Variants in PTPRD observed in about 807,000 individuals in gnomAD.
PTPRD encodes receptor-type tyrosine-protein phosphatase delta.
PTPRD carries 34 observed loss-of-function variants against 214.5 expected under a neutral mutation model. The observed-to-expected ratio is 0.16, with a 90% CI of 0.12 to 0.21. PTPRD has a LOEUF of 0.21. PTPRD is among the 10% of genes least tolerant of loss of function. The pLI, the probability that PTPRD is intolerant of heterozygous loss-of-function variation, is 1.00. For missense variants in PTPRD, 2,545 were observed against 2,398.7 expected (o/e 1.06, Z -1.27); for synonymous variants, 1,128 against 845.7 (o/e 1.33, Z -5.79).
intron 4 of PTPRD, among the ~76,000 whole-genome samples, chr9:10,017,316 A>G (rs1417327449): frequency 6.6e-6 from 1 of 151,742 alleles, no homozygotes; most frequent in Non-Finnish European, 1.5e-5. Flanking sequence ...AATGTTCAGG[A>G]GTCCTTTTTG....
intron 35 of PTPRD, among the ~76,000 whole-genome samples, chr9:8,413,994 T>G (rs2093711536): frequency 6.6e-6 from 1 of 152,162 alleles, no homozygotes; most frequent in South Asian, 2.1e-4. Context: ...TATGGGGTTG[T>G]GATTTATCTG....
At chr9:9,945,283 A>T (rs943376507) in intron 4 of PTPRD, among the ~76,000 whole-genome samples, 3 of 152,100 alleles carry the variant, frequency 2.0e-5, no homozygotes, top group Non-Finnish European at 4.4e-5. Context: ...ATATGCCTGG[A>T]AGCATAAATT....
At chr9:8,515,326 A>G (rs1298127230) in intron 21 of PTPRD, among the ~76,000 whole-genome samples, 1 of 152,114 alleles carries the variant, frequency 6.6e-6, no homozygotes, top group Admixed American at 6.5e-5. Context: ...AGTGTCCTCC[A>G]TATGTTAGCT....
At chr9:8,370,573 T>C (rs2081241907) in intron 39 of PTPRD, among the ~76,000 whole-genome samples, 2 of 152,096 alleles carry the variant, frequency 1.3e-5, no homozygotes, top group Admixed American at 1.3e-4. Context: ...TTCCAGTGAT[T>C]AAAGAATGGA....
intron 3 of PTPRD, among the ~76,000 whole-genome samples, chr9:10,153,564 C>G (rs1282821488): frequency 6.6e-6 from 1 of 151,426 alleles, no homozygotes; most frequent in Non-Finnish European, 1.5e-5. Flanking sequence ...ACTTTAAGTT[C>G]AGGATACATG....
At chr9:9,825,620 T>C (rs1385820911) in intron 5 of PTPRD, among the ~76,000 whole-genome samples, 1 of 151,992 alleles carries the variant, frequency 6.6e-6, no homozygotes, top group Non-Finnish European at 1.5e-5. Flanking sequence ...TAACTAGTTG[T>C]CTGAAGCTTA....
intron 3 of PTPRD, among the ~76,000 whole-genome samples, chr9:10,292,372 C>T (rs1043163386): frequency 2.0e-5 from 3 of 152,032 alleles, no homozygotes; most frequent in African/African-American, 4.8e-5. Flanking sequence ...TTCTTCCTGA[C>T]ATCACCCTTA....
intron 5 of PTPRD, among the ~76,000 whole-genome samples, chr9:9,899,875 A>T (rs904010473): frequency 3.3e-5 from 5 of 152,144 alleles, no homozygotes; most frequent in Admixed American, 3.3e-4. Context: ...AAAGAAAAAA[A>T]TCCAGTCACT....
At chr9:9,195,330 T>C (rs1271531543) in intron 9 of PTPRD, among the ~76,000 whole-genome samples, 1 of 152,032 alleles carries the variant, frequency 6.6e-6, no homozygotes, top group African/African-American at 2.4e-5. Flanking sequence ...CAAAATATTC[T>C]GTTTGTGAAA....
chr9:10,459,859 T>C (rs2098945768), intron 2 of PTPRD, among the ~76,000 whole-genome samples: 1 of 151,796 alleles, frequency 6.6e-6, no homozygotes, highest in East Asian at 1.9e-4. Context: ...TTAAATATTT[T>C]AAAGAAATAA....
At chr9:10,048,325 C>T (rs1330544199) in intron 3 of PTPRD, among the ~76,000 whole-genome samples, 3 of 152,050 alleles carry the variant, frequency 2.0e-5, no homozygotes, top group Non-Finnish European at 4.4e-5. Context: ...GACTCACTAG[C>T]CCCCAGTACT....
At chr9:8,741,935 C>T (rs928354562) in intron 11 of PTPRD, among the ~76,000 whole-genome samples, 11 of 151,966 alleles carry the variant, frequency 7.2e-5, no homozygotes, top group Admixed American at 3.3e-4. Flanking sequence ...ATATTCTGTT[C>T]AACCAATCAA....
chr9:9,264,861 C>A (rs1258631994), intron 9 of PTPRD, among the ~76,000 whole-genome samples: 4 of 147,992 alleles, frequency 2.7e-5, no homozygotes, highest in East Asian at 2.0e-4. Flanking sequence ...CCTTGCAGGC[C>A]AGGAGAAAGT....
chr9:8,420,434 C>A (rs1474937059), intron 35 of PTPRD, among the ~76,000 whole-genome samples: 1 of 151,482 alleles, frequency 6.6e-6, no homozygotes, highest in Non-Finnish European at 1.5e-5. Flanking sequence ...TAGAATTGGT[C>A]TTCTTGTTCT....
Position 10,047,125 on chromosome 9 carries a change from T to C in PTPRD, c.-544-13335A>G, listed in dbSNP as rs138859930. 5.1e-4 allele frequency among the ~76,000 whole-genome samples: 77 copies of C among 152,104 alleles called. 1 individual carries two copies. The East Asian group carries it at 0.013, about 26-fold the overall frequency. ...AGTTTGAATATTTCCACCTATAGCATACGTAAGTTAAAATTATTATTTTGT... is the reference window on the plus strand; with the variant it reads ...AGTTTGAATATTTCCACCTATAGCACACGTAAGTTAAAATTATTATTTTGT... On this transcript the variant is annotated intron_variant, in intron 3 of 45. Coordinates refer to ENST00000381196, the MANE Select transcript of PTPRD (RefSeq NM_002839.4).
At chr9:9,449,162 G>C (rs2091399691) in intron 8 of PTPRD, among the ~76,000 whole-genome samples, 2 of 152,000 alleles carry the variant, frequency 1.3e-5, no homozygotes, top group Non-Finnish European at 2.9e-5. Flanking sequence ...TTCTTCACGA[G>C]ATTAAAAGCA....
At chr9:9,011,918 C>A (rs1023525074) in intron 11 of PTPRD, among the ~76,000 whole-genome samples, 1 of 152,110 alleles carries the variant, frequency 6.6e-6, no homozygotes, top group Non-Finnish European at 1.5e-5. Flanking sequence ...TGGGCAGGAC[C>A]TGTGACATAT....
At chr9:8,847,208 T>A (rs2097714650) in intron 11 of PTPRD, among the ~76,000 whole-genome samples, 1 of 152,056 alleles carries the variant, frequency 6.6e-6, no homozygotes, top group Admixed American at 6.6e-5. Flanking sequence ...CAAATTCAGG[T>A]CGAGTCTGTT....
At chr9:10,462,233 T>A (rs959438613) in intron 2 of PTPRD, among the ~76,000 whole-genome samples, 3 of 152,122 alleles carry the variant, frequency 2.0e-5, no homozygotes, top group South Asian at 2.1e-4. Flanking sequence ...AAAAATAAAA[T>A]AAAATTGCCT....
Sources: gnomAD v4.1 joint callset for allele counts (sites outside exome capture counted in the v4.1 genomes callset) on GRCh38, gnomAD v4.1.1 for gene constraint, MANE v1.5 for transcripts, NCBI Gene and HGNC (gene_info 2026-07-23, HGNC 2026-07-21) for gene names.